VTCN1: variants seen among roughly 807,000 people sequenced by gnomAD.
VTCN1 encodes the protein V-set domain containing T cell activation inhibitor 1.
VTCN1 carries 26 observed loss-of-function variants against 26.5 expected under a neutral mutation model. The ratio of observed to expected loss-of-function variants is 0.98; its 90% CI spans 0.72 to 1.36. The LOEUF is 1.36. VTCN1 is among the 40% of genes most tolerant of loss of function. The pLI is 0.00. For synonymous variants in VTCN1, 116 were observed against 130.7 expected, an observed-to-expected ratio of 0.89 and a Z score of 0.77; for missense variants, 298 against 337.7, an observed-to-expected ratio of 0.88 and a Z score of 0.92.
chr1:117,177,185 G>C (rs1383132599), intron 1 of VTCN1, among the ~76,000 whole-genome samples: 1 of 152,214 alleles, frequency 6.6e-6, no homozygotes, highest in Non-Finnish European at 1.5e-5. Flanking sequence ...TTCCTATAAA[G>C]GGGAAAAGGA....
At chr1:117,200,561 T>C (rs543080369) in intron 1 of VTCN1, among the ~76,000 whole-genome samples, 1 of 152,288 alleles carries the variant, frequency 6.6e-6, no homozygotes, top group African/African-American at 2.4e-5. Context: ...GAATATCTTC[T>C]TTGCCTCCTT....
chr1:117,197,388 T>C lies in VTCN1; in HGVS notation c.32+13436A>G, dbSNP rs116915597. ...TTTTTGACTTTTACAGAGGACAAAT[T>C]TGAGGCAGGAGAATAGGGTCTGGAG... On this transcript the variant is annotated intron_variant, in intron 1 of 5. Coordinates refer to ENST00000369458, the MANE Select transcript of VTCN1 (RefSeq NM_024626.4). 5.0e-4 allele frequency among the ~76,000 whole-genome samples: 76 copies of C among 152,268 alleles called. No individual in the cohort carries two copies. The East Asian group carries it at 7.7e-3, about 15-fold the overall frequency.
rs61808501 is a variant in VTCN1, at chr1:117,206,203, A to C, written c.32+4621T>G. Among the ~76,000 whole-genome samples, 882 of 151,076 alleles carry C rather than the reference A, an allele frequency of 5.8e-3. 7 individuals carry two copies. The highest frequency in any genetic ancestry group is 0.024 in the Middle Eastern group (7 of 290). ...GGAGAACTCTATGAGTATTCTCCAGAGTTCTTTTAGAGCTAACTGAATTTA... is the reference window on the plus strand; with the variant it reads ...GGAGAACTCTATGAGTATTCTCCAGCGTTCTTTTAGAGCTAACTGAATTTA... On this transcript the variant is annotated intron_variant, in intron 1 of 5. Coordinates refer to ENST00000369458, the MANE Select transcript of VTCN1 (RefSeq NM_024626.4).
intron 1 of VTCN1, among the ~76,000 whole-genome samples, chr1:117,180,526 C>T (rs80011885): frequency 6.6e-6 from 1 of 152,326 alleles, no homozygotes; most frequent in African/African-American, 2.4e-5. Context: ...AAACACACTC[C>T]AAACCTTTCA....
intron 2 of VTCN1, among the ~76,000 whole-genome samples, chr1:117,158,692 T>C (rs1402593477): frequency 1.3e-5 from 2 of 152,204 alleles, no homozygotes; most frequent in Non-Finnish European, 2.9e-5. Context: ...CAGCTTGAAT[T>C]TCTCCTCAGA....
chr1:117,145,621 C>G lies in VTCN1; in HGVS notation c.*46-396G>C, dbSNP rs1047920763. On this transcript the variant is annotated intron_variant, in intron 5 of 5. Transcript: ENST00000369458. This position sits in a 1 kb window ranked among gnomAD's most constrained non-coding sequence, Gnocchi z 4.6. Reference sequence around the variant, plus strand: ...TATAATGTGTGTCTCAAATAATGTTCTATTCATTTACTTTTATCATTATTT... The same window carrying G: ...TATAATGTGTGTCTCAAATAATGTTGTATTCATTTACTTTTATCATTATTT... Among the ~76,000 whole-genome samples, 6 of 152,092 alleles carry G rather than the reference C, an allele frequency of 3.9e-5. No individual in the cohort carries two copies. Among genetic ancestry groups the G allele is most frequent in the Non-Finnish European group, 1.5e-5 (1 of 68,012 alleles).
rs1472811515 is a variant in VTCN1, at chr1:117,159,826, A to G, written c.98-2905T>C. ...TCAAGTTTACAGTGCTAGCTATAGC[A>G]TAATGAAGAACTGTATTTAATTCAG... On this transcript the variant is annotated intron_variant, in intron 2 of 5. Coordinates refer to ENST00000369458, the MANE Select transcript of VTCN1 (RefSeq NM_024626.4). The surrounding 1 kb of genome is among the most constrained non-coding windows in gnomAD (Gnocchi z 4.7). Among the ~76,000 whole-genome samples the G allele has an allele frequency of 6.6e-6, 1 of 152,274 alleles. No individual in the cohort carries two copies. Among genetic ancestry groups the G allele is most frequent in the Admixed American group, 6.5e-5 (1 of 15,292 alleles).
intron 1 of VTCN1, among the ~76,000 whole-genome samples, chr1:117,186,643 G>A (rs943711721): frequency 3.9e-5 from 6 of 152,192 alleles, no homozygotes; most frequent in African/African-American, 1.4e-4. Context: ...TATAATGGAT[G>A]GGGCCCCTTA....
chr1:117,181,846 A>G (rs571063122), intron 1 of VTCN1, among the ~76,000 whole-genome samples: 19 of 152,276 alleles, frequency 1.2e-4, no homozygotes, highest in African/African-American at 4.3e-4. Flanking sequence ...CAGCGTGGTC[A>G]TCAGTCACCC....
chr1:117,199,421 G>A (rs142636624), intron 1 of VTCN1, among the ~76,000 whole-genome samples: 3,402 of 152,236 alleles, frequency 0.022, 58 homozygotes, highest in Non-Finnish European at 0.036. Context: ...TGCCTCACAG[G>A]CTCAAGCAAT....
At position 117,144,981 on chromosome 1, in the gene VTCN1, C is replaced by G. The variant is rs929695561; in HGVS notation, c.*290G>C. 6.6e-6 allele frequency: 1 copy of G among 152,632 alleles called. No homozygotes were observed. The highest frequency in any genetic ancestry group is 1.5e-5 in the Non-Finnish European group (1 of 68,044). The allele number at this position is 152,632 out of a possible 1,614,324, so 9.5% of individuals were successfully genotyped here. On this transcript the variant is annotated 3_prime_UTR_variant, in exon 6 of 6. Transcript: ENST00000369458. ...GAGGTCCCTGAGATCTGGGGATGCA[C>G]TTGTCTCCACGTGCATTTTACTTAT...
intron 1 of VTCN1, among the ~76,000 whole-genome samples, chr1:117,194,568 C>A (rs1648414473): frequency 6.6e-6 from 1 of 152,092 alleles, no homozygotes; most frequent in South Asian, 2.1e-4. Flanking sequence ...ATATCTGTAC[C>A]CCCACGTTCA....
At position 117,144,712 on chromosome 1, in the gene VTCN1, T is replaced by C. The variant is rs1374773116; in HGVS notation, c.*559A>G. ...AGCCAAGGCACCTTTGGAAGCATCA[T>C]AAAAAGTGAATCATTTGACCCATTA... is the stretch of plus-strand genomic sequence containing the variant. On this transcript the variant is annotated 3_prime_UTR_variant, in exon 6 of 6. Coordinates refer to ENST00000369458, the MANE Select transcript of VTCN1 (RefSeq NM_024626.4). The C allele has an allele frequency of 6.6e-6, 1 of 152,616 alleles. No individual in the cohort carries two copies. Among genetic ancestry groups the C allele is most frequent in the African/African-American group, 2.4e-5 (1 of 41,442 alleles). 9.5% of individuals were successfully genotyped at this position (152,616 alleles called of 1,614,324 possible). A position where few individuals can be genotyped will look rare whatever the true frequency, so the allele number is the denominator to read the frequency against.
At chr1:117,160,258 C>T (rs1040808633) in intron 2 of VTCN1, among the ~76,000 whole-genome samples, 1 of 152,210 alleles carries the variant, frequency 6.6e-6, no homozygotes, top group African/African-American at 2.4e-5. Context: ...AATCTCTGCA[C>T]ATCCTTTAAA....
At chr1:117,160,389 C>A (rs1652303946) in intron 2 of VTCN1, among the ~76,000 whole-genome samples, 2 of 152,214 alleles carry the variant, frequency 1.3e-5, no homozygotes, top group Admixed American at 1.3e-4. Context: ...GGTATTTCTA[C>A]CTTTCATCTT....
chr1:117,203,764 G>A (rs1648907650), intron 1 of VTCN1: 1 of 985,384 alleles, frequency 1.0e-6, no homozygotes, highest in Non-Finnish European at 1.2e-6. Context: ...CTTTTCTGGA[G>A]GAATCAGGGA....
intron 1 of VTCN1, chr1:117,203,486 C>G (rs541055455): frequency 1.2e-4 from 59 of 498,980 alleles, no homozygotes; most frequent in African/African-American, 1.1e-3. Context: ...TGCCCTCTTT[C>G]CCATGACCGC....
chr1:117,180,776 C>G (rs60485450), intron 1 of VTCN1, among the ~76,000 whole-genome samples: 7,081 of 152,246 alleles, frequency 0.047, 363 homozygotes, highest in East Asian at 0.17. Flanking sequence ...TCTTGGCATC[C>G]CCTTGCTCTC....
intron 1 of VTCN1, among the ~76,000 whole-genome samples, chr1:117,196,184 A>C (rs1648497188): frequency 6.6e-6 from 1 of 152,166 alleles, no homozygotes; most frequent in Admixed American, 6.5e-5. Flanking sequence ...AAATGTAATA[A>C]TTTTGGCAAA....
Sources: allele counts gnomAD v4.1 joint callset (sites outside exome capture counted in the v4.1 genomes callset), GRCh38; gene constraint gnomAD v4.1.1; non-coding constraint Gnocchi (gnomAD v3.1); transcripts MANE v1.5; gene names NCBI Gene and HGNC (gene_info 2026-07-23, HGNC 2026-07-21).